Variants in IGF2BP2 observed in about 807,000 individuals in gnomAD.
IGF2BP2 encodes the protein insulin like growth factor 2 mRNA binding protein 2.
IGF2BP2 carries 17 observed loss-of-function variants against 75.8 expected under a neutral mutation model. The observed-to-expected ratio is 0.22, with a 90% CI of 0.15 to 0.34. IGF2BP2 has a LOEUF of 0.34. Among genes scored for constraint, IGF2BP2 ranks in the 10% least tolerant of loss-of-function variants. IGF2BP2 has a pLI of 1.00. For synonymous variants in IGF2BP2, 288 were observed against 295.6 expected, an observed-to-expected ratio of 0.97 and a Z score of 0.26; for missense variants, 516 against 772.4, an observed-to-expected ratio of 0.67 and a Z score of 3.93.
At chr3:185,766,590 T>C (rs1340841628) in intron 2 of IGF2BP2, among the ~76,000 whole-genome samples, 1 of 152,256 alleles carries the variant, frequency 6.6e-6, no homozygotes. Context: ...GTTGAATAGG[T>C]ACTAAAGGGA....
chr3:185,698,801 G>GT (rs1284977503), intron 2 of IGF2BP2, among the ~76,000 whole-genome samples: 1 of 151,188 alleles, frequency 6.6e-6, no homozygotes, highest in Non-Finnish European at 1.5e-5. Flanking sequence ...ATTTTTGTGG[G>GT]TTTTTTGTTG....
chr3:185,696,787 T>A, intron 3 of IGF2BP2, 124 bp from the exon 4 acceptor site: 1 of 778,304 alleles, frequency 1.3e-6, no homozygotes, highest in Non-Finnish European at 2.2e-6. Flanking sequence ...ATAATCTAAT[T>A]AAATTGATAT....
chr3:185,772,569 T>TTC (rs1181483834), intron 2 of IGF2BP2, among the ~76,000 whole-genome samples: 14 of 149,602 alleles, frequency 9.4e-5, no homozygotes, highest in Admixed American at 2.0e-4. Context: ...TTTTCTTCCC[T>TTC]TCTCTCTCTT....
chr3:185,712,166 T>C (rs1050508000), intron 2 of IGF2BP2, among the ~76,000 whole-genome samples: 1 of 152,222 alleles, frequency 6.6e-6, no homozygotes, highest in Non-Finnish European at 1.5e-5. Context: ...GAAGTGCAAC[T>C]GTCAAACCAA....
chr3:185,690,173 C>G (rs2149323904), intron 5 of IGF2BP2, among the ~76,000 whole-genome samples: 1 of 152,300 alleles, frequency 6.6e-6, no homozygotes, highest in Non-Finnish European at 1.5e-5. Flanking sequence ...TCCAACATTA[C>G]AGCCTGGTTT....
intron 2 of IGF2BP2, among the ~76,000 whole-genome samples, chr3:185,760,973 TTATAC>T (rs1373364433): frequency 6.6e-6 from 1 of 152,164 alleles, no homozygotes; most frequent in Non-Finnish European, 1.5e-5. Flanking sequence ...TTATATTTTC[TTATAC>T]TTCAAATATT....
chr3:185,645,650 A>G lies in IGF2BP2; in HGVS notation c.1708-27T>C. The stretch of plus-strand genomic sequence containing the variant: ...TGCAGCAAGGGAGAGAAGGGAGAGG[A>G]AGGGACAGGGGAAAAAAGGAACCCA... On this transcript the variant is annotated intron_variant, in intron 15 of 15. Transcript: ENST00000382199. This position sits in a 1 kb window ranked among gnomAD's most constrained non-coding sequence, Gnocchi z 4.9. 2.5e-6 allele frequency: 4 copies of G among 1,590,166 alleles called. No homozygotes were observed. The highest frequency in any genetic ancestry group is 3.5e-6 in the Non-Finnish European group (4 of 1,158,308).
chr3:185,710,507 C>T (rs563825765), intron 2 of IGF2BP2, among the ~76,000 whole-genome samples: 2 of 151,984 alleles, frequency 1.3e-5, no homozygotes, highest in South Asian at 4.2e-4. Flanking sequence ...CCGAGGCGGG[C>T]GGATCACTTG....
At chr3:185,719,971 A>G (rs1560354043) in intron 2 of IGF2BP2, among the ~76,000 whole-genome samples, 1 of 152,198 alleles carries the variant, frequency 6.6e-6, no homozygotes, top group African/African-American at 2.4e-5. Flanking sequence ...GAATAAATAC[A>G]AACTCAAACT....
At chr3:185,802,748 T>C (rs1738449449) in intron 2 of IGF2BP2, among the ~76,000 whole-genome samples, 1 of 152,118 alleles carries the variant, frequency 6.6e-6, no homozygotes, top group Non-Finnish European at 1.5e-5. Context: ...ATCAAGAAAG[T>C]TTAGGTCTCT....
chr3:185,763,853 AAAG>A (rs1732701769), intron 2 of IGF2BP2, among the ~76,000 whole-genome samples: 1 of 152,112 alleles, frequency 6.6e-6, no homozygotes. Context: ...AACAGTCTCT[AAAG>A]AAGGAGAAAT....
intron 2 of IGF2BP2, among the ~76,000 whole-genome samples, chr3:185,775,609 T>C (rs141293663): frequency 6.6e-6 from 1 of 152,256 alleles, no homozygotes; most frequent in Non-Finnish European, 1.5e-5. Context: ...GGAACATCAT[T>C]CTGAGCAAGG....
chr3:185,761,260 G>C (rs570093058), intron 2 of IGF2BP2, among the ~76,000 whole-genome samples: 1 of 152,190 alleles, frequency 6.6e-6, no homozygotes, highest in African/African-American at 2.4e-5. Flanking sequence ...CAAAAAAAGA[G>C]GTGTATGTGT....
At chr3:185,671,918 G>A (rs2149212926) in intron 10 of IGF2BP2, among the ~76,000 whole-genome samples, 1 of 152,314 alleles carries the variant, frequency 6.6e-6, no homozygotes, top group East Asian at 1.9e-4. Context: ...CCCCAATTTG[G>A]TAATGTACTG....
intron 7 of IGF2BP2, 71 bp from the exon 8 acceptor site, chr3:185,675,984 G>A: frequency 6.4e-7 from 1 of 1,551,722 alleles, no homozygotes; most frequent in Admixed American, 2.0e-5. Context: ...CCATTACCTT[G>A]CTTTTTTCTT....
chr3:185,811,834 C>G lies in IGF2BP2; in HGVS notation c.239+11319G>C, dbSNP rs1435130527. On this transcript the variant is annotated intron_variant, in intron 2 of 15. Coordinates refer to ENST00000382199, the MANE Select transcript of IGF2BP2 (RefSeq NM_006548.6). Reference sequence around the variant, plus strand: ...GGACGGTGCTCAGAGTAGGGTGTCTCTCTCTCTCTCTCTCTCTCTCTCTCT... The same window carrying G: ...GGACGGTGCTCAGAGTAGGGTGTCTGTCTCTCTCTCTCTCTCTCTCTCTCT... 6.9e-4 allele frequency among the ~76,000 whole-genome samples: 36 copies of G among 52,316 alleles called. No homozygotes were observed. The East Asian group carries it at 7.6e-3, about 11-fold the overall frequency. The allele number at this position is 52,316 out of a possible 152,430, so 34.3% of individuals were successfully genotyped here.
At chr3:185,734,021 C>A (rs1728532375) in intron 2 of IGF2BP2, among the ~76,000 whole-genome samples, 1 of 152,130 alleles carries the variant, frequency 6.6e-6, no homozygotes, top group African/African-American at 2.4e-5. Flanking sequence ...AAAAATCCCA[C>A]AGTAACAACA....
intron 2 of IGF2BP2, among the ~76,000 whole-genome samples, chr3:185,759,231 T>A (rs1732032693): frequency 6.6e-6 from 1 of 152,174 alleles, no homozygotes; most frequent in Non-Finnish European, 1.5e-5. Context: ...ATGCCCAGTT[T>A]CCATCTCTCC....
At chr3:185,721,636 A>G (rs1171356974) in intron 2 of IGF2BP2, among the ~76,000 whole-genome samples, 1 of 152,128 alleles carries the variant, frequency 6.6e-6, no homozygotes, top group Non-Finnish European at 1.5e-5. Context: ...CTGTACTTTC[A>G]TGCTGGTTTC....
Sources: allele counts gnomAD v4.1 joint callset (sites outside exome capture counted in the v4.1 genomes callset), GRCh38; gene constraint gnomAD v4.1.1; non-coding constraint Gnocchi (gnomAD v3.1); transcripts MANE v1.5; gene names NCBI Gene and HGNC (gene_info 2026-07-23, HGNC 2026-07-21).